UBXN7: variants seen among roughly 807,000 people sequenced by gnomAD.
UBXN7 encodes UBX domain-containing protein 7.
A neutral mutation model predicts 58.0 loss-of-function variants in UBXN7; 9 were observed. The observed-to-expected ratio is 0.16, with a 90% CI of 0.09 to 0.27. The LOEUF (loss-of-function observed/expected upper bound fraction) is 0.27. UBXN7 is among the 10% of genes least tolerant of loss of function. UBXN7 has a pLI of 1.00. For synonymous variants in UBXN7, 208 were observed against 205.0 expected, an observed-to-expected ratio of 1.01 and a Z score of -0.12; for missense variants, 328 against 599.6, an observed-to-expected ratio of 0.55 and a Z score of 4.73.
chr3:196,363,451 TC>T (rs1728568093), intron 8 of UBXN7, among the ~76,000 whole-genome samples: 1 of 149,778 alleles, frequency 6.7e-6, no homozygotes, highest in African/African-American at 2.5e-5. Flanking sequence ...GGTCAAAAGA[TC>T]GAGACCATCC....
intron 3 of UBXN7, among the ~76,000 whole-genome samples, chr3:196,396,771 T>A (rs942069896): frequency 2.0e-5 from 3 of 151,888 alleles, no homozygotes; most frequent in South Asian, 2.1e-4. Flanking sequence ...TCAAAAAAAA[T>A]AAAAAATAAA....
At chr3:196,371,567 C>T (rs371458865) in intron 6 of UBXN7, among the ~76,000 whole-genome samples, 2 of 152,188 alleles carry the variant, frequency 1.3e-5, no homozygotes, top group African/African-American at 2.4e-5. Context: ...CTGCAGTCTC[C>T]GCTACCCGGG....
intron 5 of UBXN7, among the ~76,000 whole-genome samples, chr3:196,386,942 T>C (rs918738506): frequency 6.6e-6 from 1 of 152,114 alleles, no homozygotes; most frequent in Non-Finnish European, 1.5e-5. Flanking sequence ...GGAGGCATCA[T>C]GCTACCTGAC....
chr3:196,362,673 A>G lies in UBXN7; in HGVS notation c.849T>C (p.Asp283=). ...KKCARSESLI[D]ASEDSQLEAA... is the part of the protein sequence containing the mutation. ...CTTCTAGCTGGCTGTCTTCACTTGC[A>G]TCTATAAGGCTCTCCTGTGAGATGG... is the stretch of plus-strand genomic sequence containing the variant. The change falls in exon 9 of 11, where the codon GAT becomes GAC. Residue 283 remains aspartate, a synonymous_variant. Coordinates refer to ENST00000296328, the MANE Select transcript of UBXN7 (RefSeq NM_015562.2). 2 of 1,610,670 alleles carry G rather than the reference A, an allele frequency of 1.2e-6. No individual in the cohort carries two copies.
intron 1 of UBXN7, among the ~76,000 whole-genome samples, chr3:196,418,974 A>G (rs189419214): frequency 3.6e-4 from 55 of 152,332 alleles, no homozygotes; most frequent in Admixed American, 3.6e-3. Context: ...TACCACTGGT[A>G]ACAATCTGAG....
Position 196,380,995 on chromosome 3 carries a change from A to G in UBXN7, c.469-8953T>C, listed in dbSNP as rs1729189340. ...CGGCTGGGAAGCTTGAACTGGGCAG[A>G]GCCCACCACAGCTCAACAAGGCCTA... On this transcript the variant is annotated intron_variant, in intron 5 of 10. Coordinates refer to ENST00000296328, the MANE Select transcript of UBXN7 (RefSeq NM_015562.2). 3.3e-5 allele frequency among the ~76,000 whole-genome samples: 5 copies of G among 152,354 alleles called. No individual in the cohort carries two copies. In the South Asian group the frequency reaches 1.0e-3, roughly 32 times the overall value.
intron 5 of UBXN7, among the ~76,000 whole-genome samples, chr3:196,382,702 TAAAG>T (rs1215753116): frequency 6.6e-6 from 1 of 152,104 alleles, no homozygotes; most frequent in Non-Finnish European, 1.5e-5. Context: ...GCAAATTGGA[TAAAG>T]AGTTAAGACC....
chr3:196,421,030 G>C (rs1352681741), intron 1 of UBXN7, among the ~76,000 whole-genome samples: 1 of 152,168 alleles, frequency 6.6e-6, no homozygotes, highest in Admixed American at 6.5e-5. Context: ...ATTTGCCAAG[G>C]ATATGGGAGT....
chr3:196,427,298 G>A (rs955427111), intron 1 of UBXN7, among the ~76,000 whole-genome samples: 1 of 152,044 alleles, frequency 6.6e-6, no homozygotes, highest in Non-Finnish European at 1.5e-5. Context: ...ACAGGGTCTC[G>A]CTCTGTGCTC....
At chr3:196,373,205 T>C (rs1006529581) in intron 5 of UBXN7, among the ~76,000 whole-genome samples, 2 of 152,240 alleles carry the variant, frequency 1.3e-5, no homozygotes, top group African/African-American at 4.8e-5. Context: ...TAGTAAAAAC[T>C]GCTGAGAGTT....
chr3:196,367,874 C>G (rs1246933843), intron 8 of UBXN7, among the ~76,000 whole-genome samples, 154 bp downstream of exon 8: 1 of 152,144 alleles, frequency 6.6e-6, no homozygotes, highest in Non-Finnish European at 1.5e-5. Context: ...GGGAAATTAT[C>G]AAAATATAAG....
intron 3 of UBXN7, among the ~76,000 whole-genome samples, chr3:196,396,391 T>C (rs1191823365): frequency 2.6e-5 from 3 of 116,656 alleles, no homozygotes; most frequent in Non-Finnish European, 5.7e-5. Context: ...TGACACCCTG[T>C]CTCTTAAAAA....
At chr3:196,419,064 G>A (rs1730593198) in intron 1 of UBXN7, among the ~76,000 whole-genome samples, 2 of 152,112 alleles carry the variant, frequency 1.3e-5, no homozygotes, top group African/African-American at 4.8e-5. Flanking sequence ...CCAGGAGTTG[G>A]AGACCAGCCT....
chr3:196,393,524 G>A (rs1474191591), intron 4 of UBXN7, 30 bp downstream of exon 4: 5 of 1,588,920 alleles, frequency 3.1e-6, no homozygotes, highest in Non-Finnish European at 8.6e-7. Context: ...AGAGAAGAGG[G>A]AGATGATAAA....
chr3:196,414,547 C>A (rs1392256954), intron 1 of UBXN7: 1 of 152,204 alleles, frequency 6.6e-6, no homozygotes, highest in Non-Finnish European at 1.5e-5. Context: ...CCACATGGAC[C>A]TACCGGCATC....
chr3:196,356,703 A>G lies in UBXN7; in HGVS notation c.1452T>C (p.Phe484=). 1 of 1,606,010 alleles carries G rather than the reference A, an allele frequency of 6.2e-7. No individual in the cohort carries two copies. Among genetic ancestry groups the G allele is most frequent in the Non-Finnish European group, 8.5e-7 (1 of 1,178,326 alleles). ...CATGGTGTTAATTTCTTTCCTGTAC[A>G]AAGACAGTCTCTTGAGGACAAAGGC... The part of the protein sequence containing the change: ...EAGLCPQETV[F]VQERN Residue 484 remains phenylalanine (F), a synonymous_variant, in exon 11 of 11, where the codon TTT becomes TTC. Coordinates refer to ENST00000296328, the MANE Select transcript of UBXN7 (RefSeq NM_015562.2).
chr3:196,415,902 T>A (rs915548566), intron 1 of UBXN7, among the ~76,000 whole-genome samples: 3 of 152,278 alleles, frequency 2.0e-5, no homozygotes, highest in Non-Finnish European at 2.9e-5. Flanking sequence ...AGATGCACAA[T>A]CTGTTAACAT....
At chr3:196,424,030 C>T (rs1407771951) in intron 1 of UBXN7, among the ~76,000 whole-genome samples, 1 of 151,832 alleles carries the variant, frequency 6.6e-6, no homozygotes, top group East Asian at 1.9e-4. Context: ...GCTGGGATTA[C>T]AGGTGCCCAC....
At position 196,356,607 on chromosome 3, in the gene UBXN7, C is replaced by T. The variant is rs1342206865; in HGVS notation, c.*78G>A. ...ACTTTGGCTCTGTGGTCCTATGAGCCAAAATGCATACTTAGTGACATGTAT... is the reference window on the plus strand; with the variant it reads ...ACTTTGGCTCTGTGGTCCTATGAGCTAAAATGCATACTTAGTGACATGTAT... On this transcript the variant is annotated 3_prime_UTR_variant, in exon 11 of 11. Transcript: ENST00000296328. The T allele has an allele frequency of 6.0e-6, 9 of 1,507,782 alleles. No individual in the cohort carries two copies. The highest frequency in any genetic ancestry group is 7.9e-6 in the Non-Finnish European group (9 of 1,133,330). The allele number at this position is 1,507,782 out of a possible 1,614,324, so 93.4% of individuals were successfully genotyped here. A position where few individuals can be genotyped will look rare whatever the true frequency, so the allele number is the denominator to read the frequency against.
Sources: allele counts gnomAD v4.1 joint callset (sites outside exome capture counted in the v4.1 genomes callset), GRCh38; gene constraint gnomAD v4.1.1; transcripts MANE v1.5; gene names NCBI Gene and HGNC (gene_info 2026-07-23, HGNC 2026-07-21).